NREP: variants seen among roughly 807,000 people sequenced by gnomAD.
NREP encodes the protein neuronal regeneration-related protein.
NREP carries 5 observed loss-of-function variants against 8.6 expected under a neutral mutation model. That is an observed-to-expected ratio of 0.58 (90% CI 0.30 to 1.22). The LOEUF (loss-of-function observed/expected upper bound fraction) is 1.22, where lower values mean the gene tolerates loss of function less well. Ranked by LOEUF, NREP falls within the 50% of genes most tolerant of loss-of-function variation. NREP has a pLI of 0.07. For synonymous variants in NREP, 27 were observed against 28.0 expected (o/e 0.96, Z 0.11); for missense variants, 86 against 82.5 (o/e 1.04, Z -0.17).
At chr5:111,975,231 A>T (rs1306600786) in intron 2 of NREP, 31 of 1,418,114 alleles carry the variant, frequency 2.2e-5, no homozygotes, top group Middle Eastern at 1.7e-4. Flanking sequence ...AACTTGAACT[A>T]GCTTAACAAA....
At chr5:111,764,130 A>G (rs1751027254) in intron 2 of NREP, among the ~76,000 whole-genome samples, 1 of 152,234 alleles carries the variant, frequency 6.6e-6, no homozygotes, top group African/African-American at 2.4e-5. Context: ...ATCCTGTTCC[A>G]TTGACCTTAG....
chr5:111,810,540 T>C (rs909288440), intron 2 of NREP, among the ~76,000 whole-genome samples: 4 of 152,214 alleles, frequency 2.6e-5, no homozygotes, highest in Admixed American at 6.5e-5. Context: ...TCTGTTACTG[T>C]CACCCTGAAA....
upstream of NREP, chr5:111,758,106 C>G (rs368732030): frequency 3.6e-5 from 35 of 985,358 alleles, no homozygotes; most frequent in Non-Finnish European, 4.0e-5. Flanking sequence ...CACACGGCCT[C>G]GGGTCGGACC....
intron 2 of NREP, among the ~76,000 whole-genome samples, chr5:111,825,176 G>C (rs1315438010): frequency 6.6e-6 from 1 of 151,620 alleles, no homozygotes; most frequent in East Asian, 1.9e-4. Context: ...ACATTTAATG[G>C]ATTAAAAATA....
rs1312463721 is a variant in NREP, at chr5:111,730,886, A to G, written c.*35T>C. ...TGATACCATGACCTCATCAATACCCATACACCATATGTAATACAAATGGAG... is the reference window on the plus strand; with the variant it reads ...TGATACCATGACCTCATCAATACCCGTACACCATATGTAATACAAATGGAG... On this transcript the variant is annotated 3_prime_UTR_variant, in exon 4 of 4. Transcript: ENST00000257435. 6.2e-7 allele frequency: 1 copy of G among 1,612,150 alleles called. No individual in the cohort carries two copies. Among genetic ancestry groups the G allele is most frequent in the Non-Finnish European group, 8.5e-7 (1 of 1,178,710 alleles).
intron 2 of NREP, among the ~76,000 whole-genome samples, chr5:111,798,753 G>T (rs866554454): frequency 2.4e-5 from 2 of 84,010 alleles, no homozygotes; most frequent in African/African-American, 9.7e-5. Flanking sequence ...GTGTGTGTGT[G>T]TGTGTGTGTG....
intron 2 of NREP, among the ~76,000 whole-genome samples, chr5:111,930,057 G>C (rs1733283280): frequency 1.3e-5 from 2 of 152,136 alleles, no homozygotes; most frequent in Admixed American, 1.3e-4. Flanking sequence ...GCTAGACTTG[G>C]GGTGAGCAAT....
chr5:111,767,798 T>G (rs1419384070), intron 2 of NREP, among the ~76,000 whole-genome samples: 1 of 152,092 alleles, frequency 6.6e-6, no homozygotes, highest in Admixed American at 6.6e-5. Context: ...CCTGAGTAGA[T>G]GGAACTACAG....
intron 2 of NREP, among the ~76,000 whole-genome samples, chr5:111,877,251 G>A (rs1231676984): frequency 2.0e-5 from 3 of 152,042 alleles, no homozygotes; most frequent in East Asian, 1.9e-4. Flanking sequence ...CCCTGTTACC[G>A]CCTGGGTCTC....
chr5:111,836,598 A>G (rs1281044802), intron 2 of NREP, among the ~76,000 whole-genome samples: 1 of 152,096 alleles, frequency 6.6e-6, no homozygotes, highest in Non-Finnish European at 1.5e-5. Context: ...GCATTAAAGT[A>G]GACATGTGAC....
chr5:111,929,555 T>C lies in NREP; in HGVS notation c.135+45719A>G, dbSNP rs561008249. Among the ~76,000 whole-genome samples, 3 of 152,336 alleles carry C rather than the reference T, an allele frequency of 2.0e-5. No individual in the cohort carries two copies. In the East Asian group the frequency reaches 5.8e-4, roughly 29 times the overall value. ...ACAGTTTTTAACCTAGGTTCCACTA[T>C]TATTGTCAAGTTGGTTTTAAATAGA... On this transcript the variant is annotated intron_variant, in intron 2 of 3. Transcript: ENST00000395634.
intron 2 of NREP, among the ~76,000 whole-genome samples, chr5:111,882,093 A>T (rs183267056): frequency 6.6e-6 from 1 of 152,186 alleles, no homozygotes; most frequent in Non-Finnish European, 1.5e-5. Context: ...AAAAATGTAG[A>T]CGAATGTATA....
At position 111,815,313 on chromosome 5, in the gene NREP, G is replaced by A. The variant is rs569270806; in HGVS notation, c.136-79806C>T. Among the ~76,000 whole-genome samples, 6 of 152,254 alleles carry A rather than the reference G, an allele frequency of 3.9e-5. 1 individual carries two copies. Among genetic ancestry groups the A allele is most frequent in the African/African-American group, 1.4e-4 (6 of 41,554 alleles). ...TGGCAAGCCTGAAACTTGGCATTGA[G>A]CCATCCCCATAACTGATTGGATTGA... On this transcript the variant is annotated intron_variant, in intron 2 of 3. Coordinates refer to the NREP transcript ENST00000395634.
At chr5:111,854,918 TG>T (rs1753392518) in intron 2 of NREP, among the ~76,000 whole-genome samples, 1 of 152,174 alleles carries the variant, frequency 6.6e-6, no homozygotes, top group Non-Finnish European at 1.5e-5. Context: ...TAATATTAGT[TG>T]TTTTATTTTT....
At chr5:111,975,486 C>G (rs1756937640) in intron 1 of NREP, 6 of 733,094 alleles carry the variant, frequency 8.2e-6, no homozygotes, top group Admixed American at 4.8e-5. Flanking sequence ...GTTCTCATTT[C>G]TAAAATGAGA....
At chr5:111,899,348 T>C (rs940928524) in intron 2 of NREP, among the ~76,000 whole-genome samples, 5 of 152,122 alleles carry the variant, frequency 3.3e-5, no homozygotes, top group Admixed American at 2.0e-4. Context: ...ATCCCATCTC[T>C]ACAGAACATT....
chr5:111,901,971 C>A (rs545645379), intron 2 of NREP, among the ~76,000 whole-genome samples: 33 of 152,136 alleles, frequency 2.2e-4, no homozygotes, highest in Admixed American at 4.6e-4. Context: ...TATGGAACCA[C>A]AAAAGACCCC....
chr5:111,786,924 T>C (rs566658733), intron 2 of NREP, among the ~76,000 whole-genome samples: 2 of 152,306 alleles, frequency 1.3e-5, no homozygotes, highest in African/African-American at 4.8e-5. Context: ...AAGTTATATT[T>C]ATTAAGTACC....
At chr5:111,857,569 C>G (rs1184053649) in intron 2 of NREP, among the ~76,000 whole-genome samples, 1 of 152,076 alleles carries the variant, frequency 6.6e-6, no homozygotes, top group Non-Finnish European at 1.5e-5. Flanking sequence ...AGCTGTGTAT[C>G]GGGGTGATGG....
Sources: allele counts gnomAD v4.1 joint callset (sites outside exome capture counted in the v4.1 genomes callset), GRCh38; gene constraint gnomAD v4.1.1; transcripts MANE v1.5; gene names NCBI Gene and HGNC (gene_info 2026-07-23, HGNC 2026-07-21).